The following TRAT1 variants were observed in gnomAD, a reference collection of about 807,000 sequenced individuals.
TRAT1 encodes the protein T-cell receptor-associated transmembrane adapter 1.
Under a neutral mutation model 20.0 loss-of-function variants are expected in TRAT1, and 20 were observed. The ratio of observed to expected loss-of-function variants is 1.00; its 90% CI spans 0.70 to 1.45. TRAT1 has a LOEUF of 1.45. TRAT1 is among the 40% of genes most tolerant of loss of function. The pLI, the probability that TRAT1 is intolerant of heterozygous loss-of-function variation, is 0.00. For synonymous variants in TRAT1, 77 were observed against 74.2 expected, an observed-to-expected ratio of 1.04 and a Z score of -0.20; for missense variants, 237 against 224.1, an observed-to-expected ratio of 1.06 and a Z score of -0.37.
Position 108,851,437 on chromosome 3 carries a change from T to C in TRAT1, c.303+2183T>C, listed in dbSNP as rs186012718. On this transcript the variant is annotated intron_variant, in intron 5 of 5. Transcript: ENST00000295756. ...CTTCTCTTCATATCCAAATCTCTAA[T>C]CAATCTTTTCCTCCTATGTCAGAAG... is the stretch of plus-strand genomic sequence containing the variant. Among the ~76,000 whole-genome samples the C allele has an allele frequency of 3.0e-3, 460 of 152,300 alleles. 2 individuals are homozygous for C. The highest frequency in any genetic ancestry group is 6.8e-3 in the Middle Eastern group (2 of 294).
chr3:108,824,152 G>A (rs150046935), intron 1 of TRAT1, among the ~76,000 whole-genome samples: 2,617 of 152,282 alleles, frequency 0.017, 79 homozygotes, highest in African/African-American at 0.06. Flanking sequence ...TTACAGGCGT[G>A]AGCCACTGCG....
chr3:108,836,719 C>T (rs1317321683), intron 2 of TRAT1, among the ~76,000 whole-genome samples: 1 of 152,204 alleles, frequency 6.6e-6, no homozygotes, highest in Non-Finnish European at 1.5e-5. Flanking sequence ...TTACCTCTGA[C>T]ATGTACTCTG....
intron 2 of TRAT1, among the ~76,000 whole-genome samples, chr3:108,835,958 C>T (rs1366387341): frequency 3.9e-5 from 6 of 151,980 alleles, no homozygotes; most frequent in African/African-American, 9.7e-5. Flanking sequence ...CTTGCTCTGT[C>T]GCCCAGGCTG....
chr3:108,841,464 C>T (rs1576522314), intron 3 of TRAT1, among the ~76,000 whole-genome samples: 2 of 152,072 alleles, frequency 1.3e-5, no homozygotes, highest in Admixed American at 1.3e-4. Context: ...ATCCATTAAA[C>T]ATTAAAACAG....
At chr3:108,824,317 C>T (rs1367913132) in intron 1 of TRAT1, among the ~76,000 whole-genome samples, 1 of 152,074 alleles carries the variant, frequency 6.6e-6, no homozygotes, top group Admixed American at 6.6e-5. Flanking sequence ...TCATTATTGC[C>T]AAATTGCTTT....
intron 4 of TRAT1, among the ~76,000 whole-genome samples, chr3:108,847,876 T>C (rs1231597394): frequency 6.6e-6 from 1 of 152,186 alleles, no homozygotes; most frequent in Non-Finnish European, 1.5e-5. Flanking sequence ...TCCAGTAATG[T>C]AGGAAATTTA....
chr3:108,826,781 A>T (rs963101193), intron 1 of TRAT1, among the ~76,000 whole-genome samples: 1 of 152,174 alleles, frequency 6.6e-6, no homozygotes, highest in Non-Finnish European at 1.5e-5. Flanking sequence ...TATACTATAA[A>T]CTCATACACT....
intron 1 of TRAT1, among the ~76,000 whole-genome samples, chr3:108,824,183 T>A (rs1234657818): frequency 6.6e-6 from 1 of 152,188 alleles, no homozygotes; most frequent in Non-Finnish European, 1.5e-5. Flanking sequence ...TTGTATACAG[T>A]TTTTAAAAAT....
At chr3:108,841,365 G>T (rs1272478245) in intron 3 of TRAT1, among the ~76,000 whole-genome samples, 1 of 151,838 alleles carries the variant, frequency 6.6e-6, no homozygotes, top group African/African-American at 2.4e-5. Context: ...TATTTCTCTT[G>T]CTTATGTGGT....
chr3:108,846,982 C>G (rs1280022082), intron 3 of TRAT1, 86 bp from the exon 4 acceptor site: 4 of 950,320 alleles, frequency 4.2e-6, no homozygotes, highest in Non-Finnish European at 6.6e-6. Context: ...CAATAGTTCA[C>G]TTAATATTGA....
chr3:108,853,314 T>C (rs1261226905), intron 5 of TRAT1, among the ~76,000 whole-genome samples: 1 of 152,088 alleles, frequency 6.6e-6, no homozygotes, highest in Non-Finnish European at 1.5e-5. Flanking sequence ...AGAACTACCT[T>C]AGGTGGAGGT....
rs977978034 is a variant in TRAT1 at position 108,845,611 on chromosome 3, A to AT, written c.153-1450dup. On this transcript the variant is annotated intron_variant, in intron 3 of 5. Coordinates refer to ENST00000295756, the MANE Select transcript of TRAT1 (RefSeq NM_016388.4). The stretch of plus-strand genomic sequence containing the variant: ...TCATACAGGTATCATTTGAACTGTT[A>AT]TTTTTTTAATACCTACGTACTATTT... Among the ~76,000 whole-genome samples, 7 of 152,022 alleles carry AT rather than the reference A, an allele frequency of 4.6e-5. No homozygotes were observed. In the East Asian group the frequency reaches 9.7e-4, roughly 21 times the overall value.
At chr3:108,824,734 T>C (rs1213010415) in intron 1 of TRAT1, among the ~76,000 whole-genome samples, 4 of 152,186 alleles carry the variant, frequency 2.6e-5, no homozygotes, top group African/African-American at 9.7e-5. Flanking sequence ...TCTTTCCCAG[T>C]TCATACTTTA....
At chr3:108,835,707 T>G (rs1945832730) in intron 2 of TRAT1, among the ~76,000 whole-genome samples, 1 of 152,172 alleles carries the variant, frequency 6.6e-6, no homozygotes, top group Non-Finnish European at 1.5e-5. Context: ...TTACTTGTTT[T>G]CTTTATTTTC....
rs529711164 is a variant in TRAT1 at position 108,847,224 on chromosome 3, T to G, written c.214+95T>G. 38 of 697,866 alleles carry G rather than the reference T, an allele frequency of 5.4e-5. No individual in the cohort carries two copies. The African/African-American group carries it at 5.8e-4, about 11-fold the overall frequency. The allele number at this position is 697,866 out of a possible 1,614,324, so 43.2% of individuals were successfully genotyped here. A position where few individuals can be genotyped will look rare whatever the true frequency, so the allele number is the denominator to read the frequency against. On this transcript the variant is annotated intron_variant, in intron 4 of 5. Coordinates refer to ENST00000295756, the MANE Select transcript of TRAT1 (RefSeq NM_016388.4). ...CGCTTTAAAAAAATCAAATCACACT[T>G]AGCTATCCCAGTGATAACCATCAAT...
chr3:108,833,297 A>T lies in TRAT1; in HGVS notation c.118+2517A>T, dbSNP rs550479152. Among the ~76,000 whole-genome samples, 19 of 152,308 alleles carry T rather than the reference A, an allele frequency of 1.2e-4. 1 individual carries two copies. The South Asian group carries it at 3.9e-3, about 32-fold the overall frequency. On this transcript the variant is annotated intron_variant, in intron 2 of 5. Transcript: ENST00000295756. ...GCTGGGCATAGTGGCGCATGCCTGT[A>T]ATCCCAGCTACTCGGGAGGCTGAGG... is the stretch of plus-strand genomic sequence containing the variant.
intron 2 of TRAT1, among the ~76,000 whole-genome samples, chr3:108,831,245 A>C (rs187865704): frequency 5.3e-4 from 80 of 152,340 alleles, no homozygotes; most frequent in Non-Finnish European, 9.7e-4. Context: ...GAAAAGGAAG[A>C]GATTGAACCA....
chr3:108,822,861 G>A lies in TRAT1; in HGVS notation c.-67G>A. 1 of 1,470,500 alleles carries A rather than the reference G, an allele frequency of 6.8e-7. No individual in the cohort carries two copies. The highest frequency in any genetic ancestry group is 1.7e-5 in the Admixed American group (1 of 57,790). 91.1% of individuals were successfully genotyped at this position (1,470,500 alleles called of 1,614,324 possible). A position where few individuals can be genotyped will look rare whatever the true frequency, so the allele number is the denominator to read the frequency against. On this transcript the variant is annotated 5_prime_UTR_variant, in exon 1 of 6. Transcript: ENST00000295756. ...GCAACATCACCTAGGAAAAAAGTTT[G>A]TAGGAGGATTTTTAATCCATATATT...
At chr3:108,835,293 G>A (rs1370274493) in intron 2 of TRAT1, among the ~76,000 whole-genome samples, 1 of 152,222 alleles carries the variant, frequency 6.6e-6, no homozygotes, top group African/African-American at 2.4e-5. Flanking sequence ...CACAGGAGAG[G>A]ATTATGAGAG....
Sources: allele counts gnomAD v4.1 joint callset (sites outside exome capture counted in the v4.1 genomes callset), GRCh38; gene constraint gnomAD v4.1.1; transcripts MANE v1.5; gene names NCBI Gene and HGNC (gene_info 2026-07-23, HGNC 2026-07-21).